IMMT: variants seen among roughly 807,000 people sequenced by gnomAD.
The protein encoded by IMMT is inner membrane mitochondrial protein.
Under a neutral mutation model 92.7 loss-of-function variants are expected in IMMT, and 40 were observed. The observed-to-expected ratio is 0.43, with a 90% CI of 0.34 to 0.56. The LOEUF (loss-of-function observed/expected upper bound fraction) is 0.56, where lower values mean the gene tolerates loss of function less well. IMMT is among the 20% of genes least tolerant of loss of function. The pLI is 0.03. For synonymous variants in IMMT, 322 were observed against 336.1 expected (o/e 0.96, Z 0.46); for missense variants, 831 against 912.1 (o/e 0.91, Z 1.14).
At position 86,173,667 on chromosome 2, in the gene IMMT, G is replaced by GT. The variant is rs1192685854; in HGVS notation, c.403dup (p.Thr135AsnfsTer20). ...ATAAGTACCTGTTGCTGAAGCTGGA[G>GT]TATCTCCCTTTTGTTTTTGGAGTTG... is the stretch of plus-strand genomic sequence containing the variant. On this transcript the variant is annotated frameshift_variant, in exon 4 of 15. Coordinates refer to ENST00000410111, the MANE Select transcript of IMMT (RefSeq NM_006839.3). LOFTEE classifies it high-confidence loss of function. The GT allele has an allele frequency of 1.9e-6, 3 of 1,578,000 alleles. No individual in the cohort carries two copies. The highest frequency in any genetic ancestry group is 2.6e-6 in the Non-Finnish European group (3 of 1,147,992).
chr2:86,146,179 A>T lies in IMMT; in HGVS notation c.1552T>A (p.Ser518Thr). The change falls in exon 14 of 15, where the codon TCT becomes ACT. Residue 518 changes from serine (S) to threonine (T), a missense_variant. Ser to Thr is a moderately conservative substitution (Grantham distance 58). Coordinates refer to ENST00000410111, the MANE Select transcript of IMMT (RefSeq NM_006839.3). ...CGACGAAATTGTAATTCTTGTTCAGAGAGTTTCTCAGACAGGTTCTGAAAT... is the reference window on the plus strand; with the variant it reads ...CGACGAAATTGTAATTCTTGTTCAGTGAGTTTCTCAGACAGGTTCTGAAAT... The part of the protein sequence containing the change: ...EFEQNLSEKL[S>T]EQELQFRRLS... 6.2e-7 allele frequency: 1 copy of T among 1,608,162 alleles called. No individual in the cohort carries two copies. Among genetic ancestry groups the T allele is most frequent in the East Asian group, 2.2e-5 (1 of 44,760 alleles).
At chr2:86,179,386 T>C in intron 3 of IMMT, 47 bp downstream of exon 3, 1 of 1,425,712 alleles carries the variant, frequency 7.0e-7, no homozygotes, top group Non-Finnish European at 9.4e-7. Flanking sequence ...CAACTTGCTT[T>C]TAAAGTATTT....
intron 1 of IMMT, among the ~76,000 whole-genome samples, chr2:86,190,882 G>A (rs539940696): frequency 3.9e-5 from 6 of 152,176 alleles, no homozygotes; most frequent in South Asian, 2.1e-4. Context: ...CCAGTTACTC[G>A]AGAGACTGAG....
intron 3 of IMMT, among the ~76,000 whole-genome samples, chr2:86,178,185 G>C (rs1460934898): frequency 6.6e-6 from 1 of 151,942 alleles, no homozygotes; most frequent in Non-Finnish European, 1.5e-5. Flanking sequence ...AGGCGTGGTG[G>C]TGAGCGCCTG....
chr2:86,173,371 G>A (rs572829762), intron 4 of IMMT: 73 of 331,588 alleles, frequency 2.2e-4, no homozygotes, highest in Middle Eastern at 1.0e-3. Context: ...ACCTGAGAGC[G>A]GGAGTTTGAG....
chr2:86,149,612 T>A (rs909261640), intron 12 of IMMT, among the ~76,000 whole-genome samples: 2 of 152,154 alleles, frequency 1.3e-5, no homozygotes, highest in African/African-American at 4.8e-5. Context: ...GCATGGTACC[T>A]CATGCCTGTA....
chr2:86,175,770 G>A (rs1229078197), intron 3 of IMMT, among the ~76,000 whole-genome samples: 1 of 151,692 alleles, frequency 6.6e-6, no homozygotes, highest in Non-Finnish European at 1.5e-5. Context: ...GTAATTCAGA[G>A]GTGAGAAAAT....
intron 13 of IMMT, among the ~76,000 whole-genome samples, chr2:86,146,844 TC>T (rs1367600652): frequency 1.3e-5 from 2 of 152,158 alleles, no homozygotes; most frequent in African/African-American, 4.8e-5. Context: ...CACTGCAACC[TC>T]CACCTCCCAG....
intron 7 of IMMT, among the ~76,000 whole-genome samples, chr2:86,163,294 G>C (rs560975622): frequency 6.6e-6 from 1 of 152,168 alleles, no homozygotes; most frequent in Non-Finnish European, 1.5e-5. Context: ...TCCAGCCTGG[G>C]TGACAGAGCA....
intron 6 of IMMT, among the ~76,000 whole-genome samples, chr2:86,167,170 TTC>T (rs1491263066): frequency 2.1e-5 from 3 of 145,380 alleles, no homozygotes; most frequent in African/African-American, 5.3e-5. Flanking sequence ...TTTATTACAC[TTC>T]TTTTTTTTTT....
Position 86,144,220 on chromosome 2 carries a change from TG to T in IMMT, c.*47del. On this transcript the variant is annotated 3_prime_UTR_variant, in exon 15 of 15. Transcript: ENST00000410111. ...CTGCGAACCCTTCATCTATCACTGC[TG>T]ATTTCCTTTGACATGAAATATGACT... 1 of 1,600,816 alleles carries T rather than the reference TG, an allele frequency of 6.2e-7. No homozygotes were observed. The highest frequency in any genetic ancestry group is 1.1e-5 in the South Asian group (1 of 89,548).
At chr2:86,158,522 G>A in intron 10 of IMMT, 70 bp downstream of exon 10, 2 of 1,333,230 alleles carry the variant, frequency 1.5e-6, no homozygotes, top group South Asian at 1.3e-5. Flanking sequence ...CAATGGAGAT[G>A]AAGCAAGTTT....
chr2:86,145,956 T>A, intron 14 of IMMT, 112 bp downstream of exon 14: 1 of 757,588 alleles, frequency 1.3e-6, no homozygotes, highest in Non-Finnish European at 1.9e-6. Flanking sequence ...GTAGAGTGAT[T>A]AGTATTTTTA....
chr2:86,150,916 CA>C (rs1162694826), intron 12 of IMMT, among the ~76,000 whole-genome samples: 1 of 131,944 alleles, frequency 7.6e-6, no homozygotes, highest in Non-Finnish European at 1.7e-5. Context: ...CAATGACTGT[CA>C]GTATTTTTTT....
intron 13 of IMMT, among the ~76,000 whole-genome samples, chr2:86,146,520 A>T (rs988613046): frequency 6.6e-6 from 1 of 151,698 alleles, no homozygotes; most frequent in Non-Finnish European, 1.5e-5. Context: ...ACAGGCATGC[A>T]TCACCATGCC....
chr2:86,148,494 C>T (rs982809468), intron 12 of IMMT, among the ~76,000 whole-genome samples: 2 of 152,180 alleles, frequency 1.3e-5, no homozygotes, highest in Admixed American at 6.5e-5. Context: ...TGCCTGTAGT[C>T]CCAGCTACTC....
rs1034927388 is a variant in IMMT at position 86,147,952 on chromosome 2, G to T, written c.1402-119C>A. The stretch of plus-strand genomic sequence containing the variant: ...CTTCCATATCCTGAACGCCTCTAAT[G>T]TGCCAGGCATGTGTACACTTCTACT... On this transcript the variant is annotated intron_variant, in intron 12 of 14. Coordinates refer to ENST00000410111, the MANE Select transcript of IMMT (RefSeq NM_006839.3). 8 of 897,178 alleles carry T rather than the reference G, an allele frequency of 8.9e-6. No homozygotes were observed. In the African/African-American group the frequency reaches 1.3e-4, roughly 15 times the overall value. 55.6% of individuals were successfully genotyped at this position (897,178 alleles called of 1,614,324 possible).
In IMMT at chr2:86,144,643, A is replaced by C; in HGVS notation, c.1902T>G (p.Arg634=). The C allele has an allele frequency of 6.2e-7, 1 of 1,613,982 alleles. No individual in the cohort carries two copies. ...GVYSEETLRA[R]FYAVQKLARR... Reference sequence around the variant, plus strand: ...GGGCCAGTTTTTGAACAGCATAGAAACGGGCTCTAAGGGTCTCTTCACTGT... The same window carrying C: ...GGGCCAGTTTTTGAACAGCATAGAACCGGGCTCTAAGGGTCTCTTCACTGT... The change falls in exon 15 of 15, where the codon CGT becomes CGG. Residue 634 remains arginine (R), a synonymous_variant. Transcript: ENST00000410111.
chr2:86,161,306 C>T (rs180871158), intron 8 of IMMT, among the ~76,000 whole-genome samples: 62 of 151,906 alleles, frequency 4.1e-4, no homozygotes, highest in Admixed American at 7.2e-4. Context: ...GGACTACAGG[C>T]GCATGCCACC....
Sources: allele counts gnomAD v4.1 joint callset (sites outside exome capture counted in the v4.1 genomes callset), GRCh38; gene constraint gnomAD v4.1.1; transcripts MANE v1.5; gene names NCBI Gene and HGNC (gene_info 2026-07-23, HGNC 2026-07-21).